ACVR1C: variants seen among roughly 807,000 people sequenced by gnomAD.
ACVR1C encodes the protein activin A receptor type 1C, also known as activin receptor type-1C.
ACVR1C carries 23 observed loss-of-function variants against 57.9 expected under a neutral mutation model. The ratio of observed to expected loss-of-function variants is 0.40; its 90% CI spans 0.29 to 0.56. ACVR1C has a LOEUF of 0.56. ACVR1C is among the 20% of genes least tolerant of loss of function. The pLI is 0.50. For synonymous variants in ACVR1C, 214 were observed against 215.3 expected, an observed-to-expected ratio of 0.99 and a Z score of 0.05; for missense variants, 480 against 607.9, an observed-to-expected ratio of 0.79 and a Z score of 2.21.
intron 1 of ACVR1C, among the ~76,000 whole-genome samples, chr2:157,611,295 C>T (rs1458723205): frequency 6.6e-5 from 10 of 152,194 alleles, no homozygotes; most frequent in Non-Finnish European, 7.3e-5. Flanking sequence ...CAGTAAACAG[C>T]ATCAGTGGTA....
chr2:157,612,869 G>C (rs1190362355), intron 1 of ACVR1C, among the ~76,000 whole-genome samples: 1 of 152,206 alleles, frequency 6.6e-6, no homozygotes, highest in Non-Finnish European at 1.5e-5. Flanking sequence ...TAGGGGCTAT[G>C]GTTACCAGGG....
At chr2:157,558,632 T>G (rs1412315211) in intron 2 of ACVR1C, among the ~76,000 whole-genome samples, 1 of 152,188 alleles carries the variant, frequency 6.6e-6, no homozygotes, top group African/African-American at 2.4e-5. Flanking sequence ...GATTACCAAC[T>G]TTTCTTCCCC....
chr2:157,617,404 T>C (rs1200048464), intron 1 of ACVR1C, among the ~76,000 whole-genome samples: 2 of 152,050 alleles, frequency 1.3e-5, no homozygotes, highest in East Asian at 1.9e-4. Context: ...AAACCTCACC[T>C]AATTGGCATT....
chr2:157,528,052 T>G lies in ACVR1C; in HGVS notation c.*5866A>C, dbSNP rs944831306. 6.6e-6 allele frequency: 1 copy of G among 152,222 alleles called. No homozygotes were observed. The highest frequency in any genetic ancestry group is 1.5e-5 in the Non-Finnish European group (1 of 68,036). The allele number at this position is 152,222 out of a possible 1,614,324, so 9.4% of individuals were successfully genotyped here. On this transcript the variant is annotated 3_prime_UTR_variant, in exon 9 of 9. Coordinates refer to ENST00000243349, the MANE Select transcript of ACVR1C (RefSeq NM_145259.3). Reference sequence around the variant, plus strand: ...CTAAGTTCTTTGTTCAATCTGTAGATGTCAAGAATTATTTTGACTTTTTAA... The same window carrying G: ...CTAAGTTCTTTGTTCAATCTGTAGAGGTCAAGAATTATTTTGACTTTTTAA...
intron 1 of ACVR1C, among the ~76,000 whole-genome samples, chr2:157,617,987 A>G (rs1682690614): frequency 6.6e-6 from 1 of 151,920 alleles, no homozygotes; most frequent in African/African-American, 2.4e-5. Context: ...AACTACAAAA[A>G]CTGAAGGAAG....
At chr2:157,601,849 A>T (rs913506267) in intron 1 of ACVR1C, among the ~76,000 whole-genome samples, 1 of 152,206 alleles carries the variant, frequency 6.6e-6, no homozygotes, top group Non-Finnish European at 1.5e-5. Flanking sequence ...CAGGATTAGT[A>T]TGAAAATTTT....
intron 2 of ACVR1C, among the ~76,000 whole-genome samples, chr2:157,573,493 T>C (rs1378241465): frequency 1.3e-5 from 2 of 152,072 alleles, no homozygotes; most frequent in African/African-American, 4.8e-5. Flanking sequence ...TTTTAAGCAC[T>C]GTATGTTTTG....
intron 2 of ACVR1C, among the ~76,000 whole-genome samples, chr2:157,565,474 T>C (rs904350793): frequency 6.6e-6 from 1 of 152,152 alleles, no homozygotes; most frequent in African/African-American, 2.4e-5. Context: ...ACATGCTCCA[T>C]TTGCCATGCA....
intron 1 of ACVR1C, chr2:157,597,349 G>A: frequency 1.0e-6 from 1 of 985,772 alleles, no homozygotes; most frequent in Non-Finnish European, 1.2e-6. Flanking sequence ...CCCCCGGGGA[G>A]CTCCCCTTGC....
At chr2:157,588,907 A>ATATACGTGTG in intron 1 of ACVR1C, among the ~76,000 whole-genome samples, 1 of 144,850 alleles carries the variant, frequency 6.9e-6, no homozygotes, top group African/African-American at 2.5e-5. Context: ...ATATATGTAC[A>ATATACGTGTG]TGCTCATACA....
intron 1 of ACVR1C, among the ~76,000 whole-genome samples, chr2:157,603,243 C>CA (rs1682320377): frequency 1.3e-5 from 2 of 152,158 alleles, no homozygotes; most frequent in African/African-American, 4.8e-5. Context: ...ATAAATAAGA[C>CA]TAGCCTAGCT....
chr2:157,528,367 C>G lies in ACVR1C; in HGVS notation c.*5551G>C, dbSNP rs559590952. 1.3e-5 allele frequency: 2 copies of G among 152,166 alleles called. No individual in the cohort carries two copies. Among genetic ancestry groups the G allele is most frequent in the East Asian group, 3.9e-4 (2 of 5,182 alleles). The allele number at this position is 152,166 out of a possible 1,614,324, so 9.4% of individuals were successfully genotyped here. On this transcript the variant is annotated 3_prime_UTR_variant, in exon 9 of 9. Coordinates refer to ENST00000243349, the MANE Select transcript of ACVR1C (RefSeq NM_145259.3). ...ACTCTTGCAGTTAAAACTGTTAGGT[C>G]TGGAGAGAAAAATTTCTTTTAGGAC...
chr2:157,573,596 C>T (rs544444262), intron 2 of ACVR1C, among the ~76,000 whole-genome samples: 60 of 151,870 alleles, frequency 4.0e-4, no homozygotes, highest in African/African-American at 1.4e-3. Context: ...GTAATTAGTG[C>T]AAGCATGAAC....
At chr2:157,594,900 A>C (rs995775369) in intron 1 of ACVR1C, among the ~76,000 whole-genome samples, 1 of 152,256 alleles carries the variant, frequency 6.6e-6, no homozygotes, top group Non-Finnish European at 1.5e-5. Context: ...TTACTGCCTC[A>C]AAATTTTGAA....
At chr2:157,591,164 G>C (rs1236624239) in intron 1 of ACVR1C, among the ~76,000 whole-genome samples, 1 of 151,844 alleles carries the variant, frequency 6.6e-6, no homozygotes, top group African/African-American at 2.4e-5. Context: ...CATTTAAAAG[G>C]CATAATAAAG....
intron 7 of ACVR1C, among the ~76,000 whole-genome samples, chr2:157,539,083 A>T (rs1164065710): frequency 6.6e-6 from 1 of 151,702 alleles, no homozygotes; most frequent in Non-Finnish European, 1.5e-5. Context: ...GCCATTATAC[A>T]ATTTAAAAGT....
At chr2:157,617,707 T>G (rs569886813) in intron 1 of ACVR1C, among the ~76,000 whole-genome samples, 71 of 152,128 alleles carry the variant, frequency 4.7e-4, no homozygotes, top group African/African-American at 1.7e-3. Context: ...GAAAATATAC[T>G]GCTATGTGTA....
chr2:157,556,725 G>A (rs1688111365), intron 2 of ACVR1C, among the ~76,000 whole-genome samples: 2 of 141,744 alleles, frequency 1.4e-5, no homozygotes, highest in Non-Finnish European at 3.0e-5. Context: ...GTGCAGTGGT[G>A]CGATCTGGGC....
chr2:157,563,332 G>T (rs1251878420), intron 2 of ACVR1C, among the ~76,000 whole-genome samples: 1 of 152,054 alleles, frequency 6.6e-6, no homozygotes, highest in Non-Finnish European at 1.5e-5. Context: ...CAATAGACAA[G>T]CAGAGAGCCA....
Sources: gnomAD v4.1 joint callset for allele counts (sites outside exome capture counted in the v4.1 genomes callset) on GRCh38, gnomAD v4.1.1 for gene constraint, MANE v1.5 for transcripts, NCBI Gene and HGNC (gene_info 2026-07-23, HGNC 2026-07-21) for gene names.